The following SCAPER variants were observed in gnomAD, a reference collection of about 807,000 sequenced individuals.
The protein encoded by SCAPER is S-phase cyclin A associated protein in the ER.
SCAPER carries 98 observed loss-of-function variants against 182.2 expected under a neutral mutation model. The observed-to-expected ratio is 0.54, with a 90% CI of 0.46 to 0.64. The LOEUF (loss-of-function observed/expected upper bound fraction) is 0.64, where lower values mean the gene tolerates loss of function less well. Among genes scored for constraint, SCAPER ranks in the 30% least tolerant of loss-of-function variants. SCAPER has a pLI of 0.00. For missense variants in SCAPER, 1,432 were observed against 1,690.0 expected (o/e 0.85, Z 2.68); for synonymous variants, 605 against 564.6 (o/e 1.07, Z -1.01).
rs1324614115 is a variant in SCAPER, at chr15:76,600,351, T to G, written c.2711+21413A>C. Among the ~76,000 whole-genome samples the G allele has an allele frequency of 7.8e-5, 9 of 115,164 alleles. 3 individuals carry two copies. The highest frequency in any genetic ancestry group is 3.1e-4 in the Admixed American group (3 of 9,734). 75.6% of individuals were successfully genotyped at this position (115,164 alleles called of 152,430 possible). A position where few individuals can be genotyped will look rare whatever the true frequency, so the allele number is the denominator to read the frequency against. On this transcript the variant is annotated intron_variant, in intron 22 of 31. Transcript: ENST00000563290. ...ATATAAACTTAAAATTAAGCAAAAC[T>G]AATAGAAAAATAGCATACTTGGAAA... is the stretch of plus-strand genomic sequence containing the variant.
At chr15:76,497,174 T>C (rs1372754855) in intron 24 of SCAPER, among the ~76,000 whole-genome samples, 1 of 145,142 alleles carries the variant, frequency 6.9e-6, no homozygotes, top group East Asian at 2.1e-4. Context: ...CACATAGTCC[T>C]GTAATGGCCA....
intron 22 of SCAPER, among the ~76,000 whole-genome samples, chr15:76,617,921 T>C (rs139153596): frequency 4.7e-4 from 71 of 152,294 alleles, no homozygotes; most frequent in African/African-American, 1.6e-3. Flanking sequence ...CAGTCATATA[T>C]TAAATTTCCT....
intron 29 of SCAPER, among the ~76,000 whole-genome samples, chr15:76,373,708 T>C (rs1272695680): frequency 4.6e-5 from 7 of 152,204 alleles, no homozygotes; most frequent in Non-Finnish European, 8.8e-5. Flanking sequence ...ATTTTAGCCA[T>C]GGGAATCTTT....
chr15:76,747,994 T>C (rs112160711), intron 15 of SCAPER, among the ~76,000 whole-genome samples: 50,409 of 128,874 alleles, frequency 0.39, 10,572 homozygotes, highest in Admixed American at 0.53. Flanking sequence ...TTTTTTTTTT[T>C]CCTTTTTTTT....
At chr15:76,896,190 C>A (rs1176574342) in intron 1 of SCAPER, among the ~76,000 whole-genome samples, 1 of 151,186 alleles carries the variant, frequency 6.6e-6, no homozygotes, top group Non-Finnish European at 1.5e-5. Context: ...GGCAACATGG[C>A]AAAACCCTGT....
At chr15:76,572,917 T>TCACACACACACACA (rs1231032832) in intron 23 of SCAPER, among the ~76,000 whole-genome samples, 8 of 133,552 alleles carry the variant, frequency 6.0e-5, no homozygotes, top group African/African-American at 2.3e-4. Context: ...TCTCTCTCTC[T>TCACACACACACACA]CTCACACACA....
intron 23 of SCAPER, among the ~76,000 whole-genome samples, chr15:76,521,551 T>C (rs1477972334): frequency 6.6e-6 from 1 of 152,188 alleles, no homozygotes; most frequent in Non-Finnish European, 1.5e-5. Context: ...GTAGTTCGGT[T>C]ATCCATTTGT....
chr15:76,704,884 A>G (rs1004408574), intron 18 of SCAPER, among the ~76,000 whole-genome samples: 3 of 152,208 alleles, frequency 2.0e-5, no homozygotes, highest in Non-Finnish European at 4.4e-5. Context: ...ATCATTAAAA[A>G]GTCAGGAAAC....
At chr15:76,719,718 T>C (rs2060094138) in intron 17 of SCAPER, among the ~76,000 whole-genome samples, 2 of 152,170 alleles carry the variant, frequency 1.3e-5, no homozygotes, top group South Asian at 2.1e-4. Flanking sequence ...CAGATATCTT[T>C]AATAGTTAAT....
chr15:76,767,135 C>A, intron 10 of SCAPER, 47 bp from the exon 11 acceptor site: 1 of 1,465,120 alleles, frequency 6.8e-7, no homozygotes, highest in Non-Finnish European at 9.2e-7. Context: ...GATCACTTGA[C>A]TGGAAAGTAA....
At chr15:76,730,848 T>C (rs2060883100) in intron 16 of SCAPER, among the ~76,000 whole-genome samples, 1 of 152,176 alleles carries the variant, frequency 6.6e-6, no homozygotes. Context: ...AAGTGTACAC[T>C]TGTAAACATA....
intron 5 of SCAPER, among the ~76,000 whole-genome samples, chr15:76,840,937 C>G (rs1243311122): frequency 6.6e-6 from 1 of 152,132 alleles, no homozygotes; most frequent in African/African-American, 2.4e-5. Flanking sequence ...TTATCGTTAG[C>G]CATCAATCTC....
At chr15:76,583,121 G>A (rs2048378547) in intron 22 of SCAPER, among the ~76,000 whole-genome samples, 1 of 152,116 alleles carries the variant, frequency 6.6e-6, no homozygotes, top group Non-Finnish European at 1.5e-5. Flanking sequence ...GGGAGGCTAA[G>A]GTGGGCGGAT....
intron 27 of SCAPER, among the ~76,000 whole-genome samples, chr15:76,396,375 T>G (rs2044057847): frequency 6.6e-6 from 1 of 152,216 alleles, no homozygotes; most frequent in Non-Finnish European, 1.5e-5. Context: ...CATCAATGTT[T>G]TGATAAGGAT....
At chr15:76,492,868 G>GTTT (rs1185376117) in intron 24 of SCAPER, among the ~76,000 whole-genome samples, 9 of 121,672 alleles carry the variant, frequency 7.4e-5, no homozygotes, top group East Asian at 2.5e-4. Context: ...ATCTGAGAGT[G>GTTT]TTTTTTTTTT....
rs1202946498 is a variant in SCAPER at position 76,598,288 on chromosome 15, AG to A, written c.2711+23475del. ...CCAGTTAGAATGGTGACCATTAAAAAGTCAGGAAACAACGAATGCTAGAGGG... is the reference window on the plus strand; with the variant it reads ...CCAGTTAGAATGGTGACCATTAAAAATCAGGAAACAACGAATGCTAGAGGG... On this transcript the variant is annotated intron_variant, in intron 22 of 31. Coordinates refer to ENST00000563290, the MANE Select transcript of SCAPER (RefSeq NM_020843.4). Among the ~76,000 whole-genome samples the A allele has an allele frequency of 1.6e-5, 2 of 121,946 alleles. 1 individual carries two copies. Among genetic ancestry groups the A allele is most frequent in the Admixed American group, 1.8e-4 (2 of 10,818 alleles). The allele number at this position is 121,946 out of a possible 152,430, so 80.0% of individuals were successfully genotyped here. A position where few individuals can be genotyped will look rare whatever the true frequency, so the allele number is the denominator to read the frequency against.
At chr15:76,775,946 T>TA (rs1272791043) in intron 8 of SCAPER, among the ~76,000 whole-genome samples, 5 of 152,208 alleles carry the variant, frequency 3.3e-5, no homozygotes, top group African/African-American at 1.2e-4. Flanking sequence ...ATTGGCTAAT[T>TA]ACAGTCTTTC....
chr15:76,647,913 A>C (rs1381725863), intron 21 of SCAPER, among the ~76,000 whole-genome samples: 1 of 152,218 alleles, frequency 6.6e-6, no homozygotes, highest in Non-Finnish European at 1.5e-5. Context: ...ACAAAGTTTA[A>C]AACCGTATTT....
At chr15:76,869,693 T>A (rs1032174869) in intron 2 of SCAPER, among the ~76,000 whole-genome samples, 1 of 152,124 alleles carries the variant, frequency 6.6e-6, no homozygotes, top group Non-Finnish European at 1.5e-5. Flanking sequence ...GAGAACAGTA[T>A]GAAAGTTCCC....
Sources: gnomAD v4.1 joint callset for allele counts (sites outside exome capture counted in the v4.1 genomes callset) on GRCh38, gnomAD v4.1.1 for gene constraint, MANE v1.5 for transcripts, NCBI Gene and HGNC (gene_info 2026-07-23, HGNC 2026-07-21) for gene names.